Variants in SGCZ observed in about 807,000 individuals in gnomAD.
SGCZ encodes the protein sarcoglycan zeta, also known as zeta-sarcoglycan.
A neutral mutation model predicts 41.3 loss-of-function variants in SGCZ; 40 were observed. That is an observed-to-expected ratio of 0.97 (90% confidence interval 0.75 to 1.26). The LOEUF (loss-of-function observed/expected upper bound fraction) is 1.26. SGCZ is among the 50% of genes most tolerant of loss of function. The probability of loss-of-function intolerance (pLI) is 0.00; values close to 1 mark genes in which losing one functional copy is unlikely to be tolerated. For synonymous variants in SGCZ, 206 were observed against 137.5 expected (o/e 1.50, Z -3.49); for missense variants, 552 against 369.8 (o/e 1.49, Z -4.04).
At chr8:14,377,492 AT>A (rs140859460) in intron 2 of SGCZ, among the ~76,000 whole-genome samples, 3 of 151,282 alleles carry the variant, frequency 2.0e-5, no homozygotes, top group African/African-American at 2.4e-5. Context: ...AGAACCCTTG[AT>A]TTTTTTTTAT....
chr8:14,282,807 G>C (rs1221118130), intron 3 of SGCZ, among the ~76,000 whole-genome samples: 2 of 121,598 alleles, frequency 1.6e-5, no homozygotes, highest in African/African-American at 3.1e-5. Flanking sequence ...TTCAATATTT[G>C]TTTTTCTAGT....
At chr8:14,978,634 C>G (rs1220168165) in intron 1 of SGCZ, among the ~76,000 whole-genome samples, 6 of 151,946 alleles carry the variant, frequency 3.9e-5, no homozygotes, top group African/African-American at 1.5e-4. Context: ...TCCCAACTTC[C>G]ACTAGGCCTG....
At chr8:14,217,058 TG>T (rs370656794) in intron 4 of SGCZ, among the ~76,000 whole-genome samples, 282 of 151,974 alleles carry the variant, frequency 1.9e-3, no homozygotes, top group Middle Eastern at 6.8e-3. Flanking sequence ...GAGGCCGAGG[TG>T]GGTGGATCAC....
Position 15,034,208 on chromosome 8 carries a change from C to G in SGCZ, c.39+203377G>C, listed in dbSNP as rs997014908. Among the ~76,000 whole-genome samples, 9 of 151,846 alleles carry G rather than the reference C, an allele frequency of 5.9e-5. No homozygotes were observed. The East Asian group carries it at 1.7e-3, about 29-fold the overall frequency. ...TAAACTTCAAGAAAATACAAAGAAA[C>G]AATTGAATAAAATAAGGGAAATAAT... is the stretch of plus-strand genomic sequence containing the variant. On this transcript the variant is annotated intron_variant, in intron 1 of 7. Transcript: ENST00000382080.
intron 5 of SGCZ, among the ~76,000 whole-genome samples, chr8:14,125,408 G>A (rs1332564495): frequency 6.6e-6 from 1 of 151,706 alleles, no homozygotes; most frequent in Non-Finnish European, 1.5e-5. Context: ...GGAGGCTGAG[G>A]CAGGAGAATG....
intron 1 of SGCZ, among the ~76,000 whole-genome samples, chr8:14,855,212 C>G (rs868638339): frequency 6.6e-6 from 1 of 151,868 alleles, no homozygotes; most frequent in African/African-American, 2.4e-5. Context: ...AACATGTCCA[C>G]CTAACTTTCG....
At chr8:14,999,991 T>A (rs1261716333) in intron 1 of SGCZ, among the ~76,000 whole-genome samples, 1 of 152,120 alleles carries the variant, frequency 6.6e-6, no homozygotes, top group Non-Finnish European at 1.5e-5. Context: ...AGGACTAGAA[T>A]GTGACTGTAT....
intron 1 of SGCZ, among the ~76,000 whole-genome samples, chr8:15,135,554 T>C (rs1216401678): frequency 1.3e-5 from 2 of 152,236 alleles, no homozygotes; most frequent in African/African-American, 4.8e-5. Flanking sequence ...TAGATGGAGC[T>C]GCATTTTGAG....
chr8:14,665,334 A>T (rs1307876870), intron 1 of SGCZ, among the ~76,000 whole-genome samples: 2 of 152,166 alleles, frequency 1.3e-5, no homozygotes, highest in African/African-American at 4.8e-5. Flanking sequence ...CCTACAAAGG[A>T]CATGAACTCA....
Position 14,086,071 on chromosome 8 carries a change from A to T in SGCZ, c.*4372T>A, listed in dbSNP as rs557953967. Reference sequence around the variant, plus strand: ...ATAATGATATTTTGTAGTGTTCATTACTGTAATATACACCAGTACATAGAG... The same window carrying T: ...ATAATGATATTTTGTAGTGTTCATTTCTGTAATATACACCAGTACATAGAG... On this transcript the variant is annotated 3_prime_UTR_variant, in exon 8 of 8. Coordinates refer to ENST00000382080, the MANE Select transcript of SGCZ (RefSeq NM_139167.4). Among the ~76,000 whole-genome samples, 9 of 151,742 alleles carry T rather than the reference A, an allele frequency of 5.9e-5. No homozygotes were observed. The highest frequency in any genetic ancestry group is 1.3e-4 in the Non-Finnish European group (9 of 67,788).
At chr8:14,239,986 G>C (rs1300624580) in intron 3 of SGCZ, among the ~76,000 whole-genome samples, 4 of 149,498 alleles carry the variant, frequency 2.7e-5, no homozygotes, top group African/African-American at 9.9e-5. Flanking sequence ...AGGTTGAGAA[G>C]GCAATGGATA....
At chr8:14,453,077 T>C (rs930272767) in intron 2 of SGCZ, among the ~76,000 whole-genome samples, 8 of 151,796 alleles carry the variant, frequency 5.3e-5, no homozygotes, top group East Asian at 1.9e-4. Flanking sequence ...CACTGAACTC[T>C]AGCCTGGGTG....
chr8:15,064,925 T>A (rs1409079426), intron 1 of SGCZ, among the ~76,000 whole-genome samples: 1 of 152,204 alleles, frequency 6.6e-6, no homozygotes, highest in African/African-American at 2.4e-5. Flanking sequence ...CTATGTCTAC[T>A]TGACATCAGT....
At chr8:14,823,125 G>T (rs1585292808) in intron 1 of SGCZ, among the ~76,000 whole-genome samples, 1 of 144,410 alleles carries the variant, frequency 6.9e-6, no homozygotes, top group East Asian at 2.1e-4. Flanking sequence ...GAAGCTATTA[G>T]AAATAAAAGG....
At chr8:14,754,960 G>C (rs1196026294) in intron 1 of SGCZ, among the ~76,000 whole-genome samples, 5 of 152,104 alleles carry the variant, frequency 3.3e-5, no homozygotes, top group African/African-American at 4.8e-5. Context: ...CAATTCCTGA[G>C]CTCAAGCGAT....
At chr8:14,240,102 G>A (rs932903557) in intron 3 of SGCZ, among the ~76,000 whole-genome samples, 19 of 151,620 alleles carry the variant, frequency 1.3e-4, no homozygotes, top group African/African-American at 4.4e-4. Flanking sequence ...TGAGGTGGGA[G>A]GATCACCTGA....
At chr8:14,785,169 T>C (rs370717130) in intron 1 of SGCZ, among the ~76,000 whole-genome samples, 4 of 151,362 alleles carry the variant, frequency 2.6e-5, no homozygotes, top group African/African-American at 9.7e-5. Flanking sequence ...CAGTGTTTTA[T>C]GTTTACTTGA....
chr8:14,710,235 T>A (rs1230713293), intron 1 of SGCZ, among the ~76,000 whole-genome samples: 1 of 151,512 alleles, frequency 6.6e-6, no homozygotes, highest in Non-Finnish European at 1.5e-5. Flanking sequence ...CAGGGCGTGG[T>A]GGCAGGCGCC....
At chr8:14,938,323 T>C (rs536123347) in intron 1 of SGCZ, among the ~76,000 whole-genome samples, 21 of 152,260 alleles carry the variant, frequency 1.4e-4, no homozygotes, top group African/African-American at 5.1e-4. Flanking sequence ...GGTCTACTTA[T>C]GTGTGGATTT....
Sources: gnomAD v4.1 joint callset for allele counts (sites outside exome capture counted in the v4.1 genomes callset) on GRCh38, gnomAD v4.1.1 for gene constraint, MANE v1.5 for transcripts, NCBI Gene and HGNC (gene_info 2026-07-23, HGNC 2026-07-21) for gene names.